Variants in YTHDC1 observed in about 807,000 individuals in gnomAD.
YTHDC1 encodes the protein YTH N6-methyladenosine RNA binding protein C1.
YTHDC1 carries 12 observed loss-of-function variants against 107.0 expected under a neutral mutation model. That is an observed-to-expected ratio of 0.11 (90% CI 0.07 to 0.18). YTHDC1 has a LOEUF of 0.18. YTHDC1 is among the 10% of genes least tolerant of loss of function. The probability of loss-of-function intolerance (pLI) is 1.00; values close to 1 mark genes in which losing one functional copy is unlikely to be tolerated. For synonymous variants in YTHDC1, 280 were observed against 289.5 expected (o/e 0.97, Z 0.33); for missense variants, 635 against 898.8 (o/e 0.71, Z 3.75).
chr4:68,346,049 GCA>G, intron 1 of YTHDC1, among the ~76,000 whole-genome samples: 1 of 147,740 alleles, frequency 6.8e-6, no homozygotes, highest in African/African-American at 2.5e-5. Context: ...GTGACTGTGT[GCA>G]TGTGTGTGCA....
At chr4:68,346,932 T>C (rs902930276) in intron 1 of YTHDC1, among the ~76,000 whole-genome samples, 1 of 152,120 alleles carries the variant, frequency 6.6e-6, no homozygotes, top group East Asian at 1.9e-4. Flanking sequence ...TAGAACGTAT[T>C]TACCAGGAAA....
chr4:68,332,609 G>A (rs1723719065), intron 6 of YTHDC1, among the ~76,000 whole-genome samples, 185 bp downstream of exon 6: 1 of 151,700 alleles, frequency 6.6e-6, no homozygotes, highest in East Asian at 1.9e-4. Context: ...GAAATGTTTG[G>A]TATTATTCTA....
At chr4:68,320,776 G>T (rs534391336) in intron 11 of YTHDC1, among the ~76,000 whole-genome samples, 1 of 152,050 alleles carries the variant, frequency 6.6e-6, no homozygotes, top group Non-Finnish European at 1.5e-5. Flanking sequence ...CAACTTTACA[G>T]GAAAGTTTTT....
intron 9 of YTHDC1, among the ~76,000 whole-genome samples, chr4:68,325,276 T>G (rs892726879): frequency 1.3e-5 from 2 of 152,220 alleles, no homozygotes; most frequent in Non-Finnish European, 2.9e-5. Flanking sequence ...AAGATTTTTT[T>G]TTTGTTTTTA....
intron 2 of YTHDC1, 101 bp from the exon 3 acceptor site, chr4:68,338,001 G>A (rs1230349873): frequency 6.8e-7 from 1 of 1,477,402 alleles, no homozygotes; most frequent in Admixed American, 2.7e-5. Context: ...AGGGGGGATA[G>A]GCCTCATTTC....
intron 1 of YTHDC1, among the ~76,000 whole-genome samples, chr4:68,342,435 C>T (rs967290863): frequency 6.6e-6 from 1 of 152,068 alleles, no homozygotes; most frequent in African/African-American, 2.4e-5. Flanking sequence ...CCAGCAACAC[C>T]ATCACAGTAT....
At position 68,311,701 on chromosome 4, in the gene YTHDC1, A is replaced by T. The variant is rs1721318403; in HGVS notation, c.*2398T>A. The stretch of plus-strand genomic sequence containing the variant: ...ATTATGTGAGCCAACAGAATTGTTT[A>T]GAATAGTGCCAGATACTTGGTAAAA... On this transcript the variant is annotated 3_prime_UTR_variant, in exon 17 of 17. Coordinates refer to ENST00000344157, the MANE Select transcript of YTHDC1 (RefSeq NM_001031732.4). The T allele has an allele frequency of 6.6e-6, 1 of 152,234 alleles. No homozygotes were observed. The highest frequency in any genetic ancestry group is 2.1e-4 in the South Asian group (1 of 4,838). The allele number at this position is 152,234 out of a possible 1,614,324, so 9.4% of individuals were successfully genotyped here. A position where few individuals can be genotyped will look rare whatever the true frequency, so the allele number is the denominator to read the frequency against.
chr4:68,348,610 C>G (rs1725709206), intron 1 of YTHDC1, among the ~76,000 whole-genome samples: 1 of 152,068 alleles, frequency 6.6e-6, no homozygotes, highest in African/African-American at 2.4e-5. Context: ...ACCCATTCCA[C>G]TTTCCCAGCT....
In YTHDC1 at chr4:68,312,545, A is replaced by G. The variant is rs1046662527; in HGVS notation, c.*1554T>C. On this transcript the variant is annotated 3_prime_UTR_variant, in exon 17 of 17. Coordinates refer to ENST00000344157, the MANE Select transcript of YTHDC1 (RefSeq NM_001031732.4). Reference sequence around the variant, plus strand: ...CTTTTTCCTCTCTACCACAATGCAGATTTAAAACAAATCCTCAGGCTTTAG... The same window carrying G: ...CTTTTTCCTCTCTACCACAATGCAGGTTTAAAACAAATCCTCAGGCTTTAG... 2.0e-5 allele frequency: 3 copies of G among 152,244 alleles called. No homozygotes were observed. The highest frequency in any genetic ancestry group is 7.2e-5 in the African/African-American group (3 of 41,472). 9.4% of individuals were successfully genotyped at this position (152,244 alleles called of 1,614,324 possible).
rs1044869044 is a variant in YTHDC1 at position 68,311,320 on chromosome 4, A to C, written c.*2779T>G. 4 of 152,070 alleles carry C rather than the reference A, an allele frequency of 2.6e-5. No homozygotes were observed. Among genetic ancestry groups the C allele is most frequent in the Non-Finnish European group, 4.4e-5 (3 of 68,026 alleles). The allele number at this position is 152,070 out of a possible 1,614,324, so 9.4% of individuals were successfully genotyped here. ...GCTTGAAAAAAAGCCATTATGGAGGAAATCATTATGGAGGAAATCAAATCC... is the reference window on the plus strand; with the variant it reads ...GCTTGAAAAAAAGCCATTATGGAGGCAATCATTATGGAGGAAATCAAATCC... On this transcript the variant is annotated 3_prime_UTR_variant, in exon 17 of 17. Transcript: ENST00000344157.
At chr4:68,339,675 TAAAAG>T (rs768267803) in intron 1 of YTHDC1, among the ~76,000 whole-genome samples, 8 of 151,926 alleles carry the variant, frequency 5.3e-5, no homozygotes, top group Non-Finnish European at 1.0e-4. Flanking sequence ...GTTTGGAGAG[TAAAAG>T]AAAATTCTTC....
At chr4:68,339,338 A>ACT (rs1491304526) in intron 1 of YTHDC1, among the ~76,000 whole-genome samples, 1 of 152,238 alleles carries the variant, frequency 6.6e-6, no homozygotes, top group Non-Finnish European at 1.5e-5. Flanking sequence ...GTCATGAAAC[A>ACT]AAGAGTAAGA....
rs1463621558 is a variant in YTHDC1, at chr4:68,322,634, A to G, written c.1601+115T>C. 1 of 1,302,874 alleles carries G rather than the reference A, an allele frequency of 7.7e-7. No individual in the cohort carries two copies. The highest frequency in any genetic ancestry group is 2.4e-5 in the Admixed American group (1 of 41,280). 80.7% of individuals were successfully genotyped at this position (1,302,874 alleles called of 1,614,324 possible). ...GCCACAAACTAGTCCATGCAGCTTG[A>G]TTTGAGGATTTTCTCTTTCTTCTTT... is the stretch of plus-strand genomic sequence containing the variant. On this transcript the variant is annotated intron_variant, in intron 11 of 16. Transcript: ENST00000344157. The surrounding 1 kb of genome is among the most constrained non-coding windows in gnomAD (Gnocchi z 4.8).
At chr4:68,317,353 A>C (rs1721978293) in intron 15 of YTHDC1, among the ~76,000 whole-genome samples, 1 of 152,174 alleles carries the variant, frequency 6.6e-6, no homozygotes, top group Non-Finnish European at 1.5e-5. Context: ...ATTTCCTAGA[A>C]TCTAAAGGGG....
intron 9 of YTHDC1, among the ~76,000 whole-genome samples, chr4:68,328,606 A>C (rs1234659959): frequency 1.3e-5 from 2 of 152,204 alleles, no homozygotes; most frequent in Non-Finnish European, 2.9e-5. Context: ...TAATTTAACT[A>C]ATTTTCTATT....
In YTHDC1 at chr4:68,333,408, C is replaced by A; in HGVS notation, c.884-11G>T. Reference sequence around the variant, plus strand: ...CCTTCTTTTTCTCATCTAAAAAGAACAAGAGTTTTTTTTTTAAATCACAAT... The same window carrying A: ...CCTTCTTTTTCTCATCTAAAAAGAAAAAGAGTTTTTTTTTTAAATCACAAT... On this transcript the variant is annotated splice_polypyrimidine_tract_variant and intron_variant, in intron 4 of 16. Coordinates refer to ENST00000344157, the MANE Select transcript of YTHDC1 (RefSeq NM_001031732.4). 1 of 1,570,484 alleles carries A rather than the reference C, an allele frequency of 6.4e-7. No homozygotes were observed. The highest frequency in any genetic ancestry group is 8.7e-7 in the Non-Finnish European group (1 of 1,150,414).
At position 68,333,410 on chromosome 4, in the gene YTHDC1, A is replaced by G; in HGVS notation, c.884-13T>C. The G allele has an allele frequency of 6.3e-6, 10 of 1,578,780 alleles. No individual in the cohort carries two copies. The highest frequency in any genetic ancestry group is 8.6e-6 in the Non-Finnish European group (10 of 1,157,074). ...TTCTTTTTCTCATCTAAAAAGAACA[A>G]GAGTTTTTTTTTTAAATCACAATAC... On this transcript the variant is annotated splice_polypyrimidine_tract_variant and intron_variant, in intron 4 of 16. Transcript: ENST00000344157.
rs1721307609 is a variant in YTHDC1 at position 68,311,594 on chromosome 4, T to G, written c.*2505A>C. On this transcript the variant is annotated 3_prime_UTR_variant, in exon 17 of 17. Transcript: ENST00000344157. ...ACTGATTTTTATATACTGACTCTTC[T>G]GTACAGAAAAAAATCTTGCATTTTT... The G allele has an allele frequency of 6.6e-6, 1 of 152,196 alleles. No homozygotes were observed. Among genetic ancestry groups the G allele is most frequent in the Non-Finnish European group, 1.5e-5 (1 of 68,024 alleles). 9.4% of individuals were successfully genotyped at this position (152,196 alleles called of 1,614,324 possible). A position where few individuals can be genotyped will look rare whatever the true frequency, so the allele number is the denominator to read the frequency against.
chr4:68,338,405 T>G lies in YTHDC1; in HGVS notation c.29-21A>C, dbSNP rs776763908. On this transcript the variant is annotated intron_variant, in intron 1 of 16. Transcript: ENST00000344157. ...TCCATCTGCAAATAAAATTAAAAAT[T>G]AATAGGGAAAAATCACTATCATTGA... 24 of 1,550,994 alleles carry G rather than the reference T, an allele frequency of 1.5e-5. No individual in the cohort carries two copies. In the South Asian group the frequency reaches 2.4e-4, roughly 15 times the overall value.
Sources: allele counts gnomAD v4.1 joint callset (sites outside exome capture counted in the v4.1 genomes callset), GRCh38; gene constraint gnomAD v4.1.1; non-coding constraint Gnocchi (gnomAD v3.1); transcripts MANE v1.5; gene names NCBI Gene and HGNC (gene_info 2026-07-23, HGNC 2026-07-21).